PTPRK: variants seen among roughly 807,000 people sequenced by gnomAD.
The protein encoded by PTPRK is receptor-type tyrosine-protein phosphatase kappa.
Under a neutral mutation model 178.0 loss-of-function variants are expected in PTPRK, and 75 were observed. The observed-to-expected ratio is 0.42, with a 90% CI of 0.35 to 0.51. The LOEUF is 0.51. PTPRK is among the 20% of genes least tolerant of loss of function. PTPRK has a pLI of 0.02. For missense variants in PTPRK, 1,441 were observed against 1,797.8 expected, an observed-to-expected ratio of 0.80 and a Z score of 3.59; for synonymous variants, 637 against 620.6, an observed-to-expected ratio of 1.03 and a Z score of -0.39.
intron 5 of PTPRK, among the ~76,000 whole-genome samples, chr6:128,239,486 A>G (rs1439947959): frequency 3.9e-5 from 6 of 152,186 alleles, no homozygotes; most frequent in African/African-American, 1.4e-4. Context: ...CCCAACATGT[A>G]TGTTAAATCA....
At chr6:128,041,230 T>A (rs1777111009) in intron 13 of PTPRK, among the ~76,000 whole-genome samples, 1 of 152,146 alleles carries the variant, frequency 6.6e-6, no homozygotes, top group African/African-American at 2.4e-5. Context: ...AATATCATAT[T>A]CTATCTTTCC....
intron 7 of PTPRK, among the ~76,000 whole-genome samples, chr6:128,150,847 GA>G (rs1256731585): frequency 3.3e-5 from 5 of 152,070 alleles, no homozygotes; most frequent in Non-Finnish European, 5.9e-5. Flanking sequence ...ATAGGAGGAT[GA>G]AAATGTTCTT....
chr6:128,450,041 G>T (rs1847573177), intron 1 of PTPRK, among the ~76,000 whole-genome samples: 1 of 151,820 alleles, frequency 6.6e-6, no homozygotes, highest in East Asian at 1.9e-4. Flanking sequence ...CCAGGTTGGG[G>T]GCGGGGGCGG....
rs569610806 is a variant in PTPRK at position 128,440,605 on chromosome 6, G to A, written c.101-42917C>T. 4.3e-4 allele frequency among the ~76,000 whole-genome samples: 65 copies of A among 152,116 alleles called. 2 individuals are homozygous for A. The South Asian group carries it at 0.012, about 29-fold the overall frequency. ...TTAATTTCTATGTATATCTGTATGC[G>A]TGTGTGTATATATACAATCAAGAAG... is the stretch of plus-strand genomic sequence containing the variant. On this transcript the variant is annotated intron_variant, in intron 1 of 29. Coordinates refer to ENST00000368226, the MANE Select transcript of PTPRK (RefSeq NM_002844.4).
intron 1 of PTPRK, among the ~76,000 whole-genome samples, chr6:128,424,047 C>G (rs949323294): frequency 2.0e-5 from 3 of 149,364 alleles, no homozygotes; most frequent in Non-Finnish European, 4.4e-5. Flanking sequence ...CAGAGAGACA[C>G]CTAGTCCCTA....
intron 1 of PTPRK, among the ~76,000 whole-genome samples, chr6:128,430,596 T>C (rs1255114663): frequency 6.6e-6 from 1 of 152,182 alleles, no homozygotes; most frequent in Non-Finnish European, 1.5e-5. Flanking sequence ...CTTATGCACT[T>C]GCATGAGAGT....
At chr6:128,312,755 A>ATT (rs967949656) in intron 3 of PTPRK, among the ~76,000 whole-genome samples, 2 of 145,390 alleles carry the variant, frequency 1.4e-5, no homozygotes, top group South Asian at 4.4e-4. Context: ...AATTGTTTTC[A>ATT]TTTTTTTTTT....
chr6:128,284,974 T>C (rs955656259), intron 3 of PTPRK, among the ~76,000 whole-genome samples: 1 of 152,190 alleles, frequency 6.6e-6, no homozygotes, highest in East Asian at 1.9e-4. Context: ...TGGGCTAGCA[T>C]TGTGTTACAC....
intron 13 of PTPRK, among the ~76,000 whole-genome samples, chr6:128,053,150 AC>A (rs1554280033): frequency 2.5e-3 from 1 of 406 alleles, no homozygotes; most frequent in Non-Finnish European, 5.9e-3. Context: ...TGTGTATGGA[AC>A]ACACACACAC....
chr6:128,084,416 A>G (rs1437900293), intron 8 of PTPRK, among the ~76,000 whole-genome samples: 1 of 152,178 alleles, frequency 6.6e-6, no homozygotes, highest in African/African-American at 2.4e-5. Context: ...ATATTTAAAG[A>G]GTTATTACAG....
intron 6 of PTPRK, among the ~76,000 whole-genome samples, chr6:128,188,320 C>T (rs1803125856): frequency 6.6e-6 from 1 of 151,956 alleles, no homozygotes; most frequent in South Asian, 2.1e-4. Context: ...TTCAGTTATT[C>T]CTATTATAAT....
chr6:128,178,269 T>TTAAGAGCAGGAATGTTGTCTTCTCC (rs1801388667), intron 7 of PTPRK, among the ~76,000 whole-genome samples: 3 of 151,902 alleles, frequency 2.0e-5, no homozygotes, highest in Non-Finnish European at 4.4e-5. Flanking sequence ...TGTCAATTCC[T>TTAAGAGCAGGAATGTTGTCTTCTCC]TAAGAGCAGG....
chr6:128,437,066 G>C (rs1474924005), intron 1 of PTPRK, among the ~76,000 whole-genome samples: 1 of 152,118 alleles, frequency 6.6e-6, no homozygotes, highest in Admixed American at 6.5e-5. Flanking sequence ...GAATGAAGGT[G>C]GGAAAAAGTC....
At chr6:128,323,349 T>G (rs1425093686) in intron 2 of PTPRK, among the ~76,000 whole-genome samples, 1 of 152,174 alleles carries the variant, frequency 6.6e-6, no homozygotes, top group Non-Finnish European at 1.5e-5. Context: ...AATATGCCTA[T>G]TTATTACACA....
intron 3 of PTPRK, among the ~76,000 whole-genome samples, chr6:128,246,357 G>A (rs1032146667): frequency 5.3e-5 from 8 of 151,640 alleles, no homozygotes; most frequent in African/African-American, 1.9e-4. Flanking sequence ...AGTTTCATAT[G>A]TGTTCATTTA....
At chr6:128,241,516 T>C (rs10485160) in intron 4 of PTPRK, among the ~76,000 whole-genome samples, 3 of 152,162 alleles carry the variant, frequency 2.0e-5, no homozygotes, top group Non-Finnish European at 4.4e-5. Flanking sequence ...CAATGTGTTA[T>C]AGATGCTTCT....
At chr6:128,284,675 AT>A (rs1037194357) in intron 3 of PTPRK, among the ~76,000 whole-genome samples, 40 of 152,216 alleles carry the variant, frequency 2.6e-4, no homozygotes, top group African/African-American at 9.6e-4. Flanking sequence ...TTTATAGGAC[AT>A]TTTTTAAAGT....
chr6:128,444,499 C>T (rs1370209357), intron 1 of PTPRK, among the ~76,000 whole-genome samples: 2 of 151,940 alleles, frequency 1.3e-5, no homozygotes, highest in South Asian at 2.1e-4. Context: ...AGAAGTAAGC[C>T]CAGTTATATG....
chr6:128,035,383 T>C (rs1388829454), intron 13 of PTPRK, among the ~76,000 whole-genome samples: 1 of 151,650 alleles, frequency 6.6e-6, no homozygotes, highest in Non-Finnish European at 1.5e-5. Flanking sequence ...AATAAATAAA[T>C]AAATAATTAC....
Sources: allele counts gnomAD v4.1 joint callset (sites outside exome capture counted in the v4.1 genomes callset), GRCh38; gene constraint gnomAD v4.1.1; transcripts MANE v1.5; gene names NCBI Gene and HGNC (gene_info 2026-07-23, HGNC 2026-07-21).